Variants in STPG2 observed in about 807,000 individuals in gnomAD.
STPG2 encodes sperm-tail PG-rich repeat-containing protein 2.
A neutral mutation model predicts 54.2 loss-of-function variants in STPG2; 56 were observed. The ratio of observed to expected loss-of-function variants is 1.03; its 90% CI spans 0.83 to 1.29. STPG2 has a LOEUF of 1.29. Among genes scored for constraint, STPG2 ranks in the 50% most tolerant of loss-of-function variants. The probability of loss-of-function intolerance (pLI) is 0.00; values close to 1 mark genes in which losing one functional copy is unlikely to be tolerated. For missense variants in STPG2, 596 were observed against 544.9 expected (o/e 1.09, Z -0.93); for synonymous variants, 200 against 181.8 (o/e 1.10, Z -0.81).
chr4:97,619,762 A>G (rs998594261), intron 10 of STPG2, among the ~76,000 whole-genome samples: 4 of 151,510 alleles, frequency 2.6e-5, no homozygotes, highest in African/African-American at 9.7e-5. Context: ...CCTAAGTACT[A>G]CTAAAGTGCC....
chr4:97,781,696 A>T (rs1299625494), intron 9 of STPG2, among the ~76,000 whole-genome samples: 2 of 152,178 alleles, frequency 1.3e-5, no homozygotes, highest in Non-Finnish European at 2.9e-5. Flanking sequence ...AAATACTGGC[A>T]AACCAAATCC....
intron 5 of STPG2, among the ~76,000 whole-genome samples, chr4:98,035,527 A>G (rs962845968): frequency 6.6e-6 from 1 of 152,234 alleles, no homozygotes; most frequent in Non-Finnish European, 1.5e-5. Flanking sequence ...CCATTGTGGA[A>G]GACAGTATGG....
rs546376705 is a variant in STPG2, at chr4:97,579,175, G to C, written c.1321-20058C>G. Among the ~76,000 whole-genome samples the C allele has an allele frequency of 3.9e-5, 6 of 152,046 alleles. No homozygotes were observed. In the East Asian group the frequency reaches 1.2e-3, roughly 29 times the overall value. ...TTGATAATAATAATCATTAGTTATG[G>C]CTATTAAATGATATCTAAGTGTGTT... is the stretch of plus-strand genomic sequence containing the variant. On this transcript the variant is annotated intron_variant, in intron 10 of 10. Transcript: ENST00000295268.
chr4:97,905,625 A>T (rs974162221), intron 8 of STPG2, among the ~76,000 whole-genome samples: 1 of 152,210 alleles, frequency 6.6e-6, no homozygotes, highest in Admixed American at 6.5e-5. Flanking sequence ...TTAAATGTAA[A>T]TGGACTAAAT....
intron 8 of STPG2, among the ~76,000 whole-genome samples, chr4:97,884,722 C>CA (rs1239896782): frequency 2.0e-5 from 3 of 150,850 alleles, no homozygotes; most frequent in South Asian, 2.1e-4. Flanking sequence ...AAGTAAGGGC[C>CA]AAAAAAAGAG....
intron 8 of STPG2, among the ~76,000 whole-genome samples, chr4:97,933,793 G>T (rs916984806): frequency 3.3e-5 from 5 of 152,176 alleles, no homozygotes; most frequent in Admixed American, 2.6e-4. Context: ...AAGGCAGGCA[G>T]TGTGATGCCT....
At chr4:97,528,475 C>G (rs1433133855) in intron 4 of STPG2, among the ~76,000 whole-genome samples, 1 of 152,088 alleles carries the variant, frequency 6.6e-6, no homozygotes, top group East Asian at 1.9e-4. Context: ...ATTGTCTTGG[C>G]TATAAGGGCT....
At chr4:97,892,172 G>C (rs1730796502) in intron 8 of STPG2, among the ~76,000 whole-genome samples, 1 of 152,100 alleles carries the variant, frequency 6.6e-6, no homozygotes, top group South Asian at 2.1e-4. Flanking sequence ...ACAAAAGCAA[G>C]TTCAAGCTCT....
intron 8 of STPG2, 31 bp downstream of exon 8, chr4:97,943,866 T>C (rs952907198): frequency 2.2e-5 from 32 of 1,441,588 alleles, no homozygotes; most frequent in Non-Finnish European, 2.9e-5. Context: ...TTCTAGATAA[T>C]GAAAATATTT....
intron 10 of STPG2, among the ~76,000 whole-genome samples, chr4:97,711,021 T>C (rs1185215059): frequency 6.6e-6 from 1 of 151,512 alleles, no homozygotes; most frequent in Non-Finnish European, 1.5e-5. Flanking sequence ...TATAAATATA[T>C]AATATTAAAT....
chr4:98,110,209 G>A (rs1042277560), intron 3 of STPG2, among the ~76,000 whole-genome samples: 1 of 152,032 alleles, frequency 6.6e-6, no homozygotes, highest in Non-Finnish European at 1.5e-5. Context: ...GCGACCATCA[G>A]GTGATGGTCA....
At chr4:97,649,931 A>G (rs1722017536) in intron 10 of STPG2, among the ~76,000 whole-genome samples, 1 of 152,118 alleles carries the variant, frequency 6.6e-6, no homozygotes. Context: ...ACAACTTACC[A>G]TAATGTAGAA....
chr4:97,707,786 G>T (rs1414123437), intron 10 of STPG2, among the ~76,000 whole-genome samples: 1 of 151,946 alleles, frequency 6.6e-6, no homozygotes, highest in Non-Finnish European at 1.5e-5. Context: ...AAAATATAAG[G>T]TAGCATAGAA....
At chr4:97,488,027 C>T (rs528737205) in intron 4 of STPG2, among the ~76,000 whole-genome samples, 2 of 151,488 alleles carry the variant, frequency 1.3e-5, no homozygotes, top group East Asian at 3.9e-4. Flanking sequence ...ACAATTCCAT[C>T]CCCTCCCCTC....
chr4:98,132,223 G>A (rs531929785), intron 2 of STPG2, among the ~76,000 whole-genome samples: 8 of 152,080 alleles, frequency 5.3e-5, no homozygotes, highest in South Asian at 2.1e-4. Flanking sequence ...CACCACAGAT[G>A]TTGAAAGTGA....
chr4:97,588,680 A>T lies in STPG2; in HGVS notation c.1321-29563T>A, dbSNP rs925956338. 5.9e-5 allele frequency among the ~76,000 whole-genome samples: 9 copies of T among 152,204 alleles called. 1 individual carries two copies. The highest frequency in any genetic ancestry group is 5.9e-4 in the Admixed American group (9 of 15,256). On this transcript the variant is annotated intron_variant, in intron 10 of 10. Transcript: ENST00000295268. Reference sequence around the variant, plus strand: ...AAATAATTTGGCAATATTTTTTAAAAATTGACAGGGATATCCCTTTTGACT... The same window carrying T: ...AAATAATTTGGCAATATTTTTTAAATATTGACAGGGATATCCCTTTTGACT...
chr4:98,093,746 G>C (rs1298986171), intron 5 of STPG2, among the ~76,000 whole-genome samples: 1 of 152,164 alleles, frequency 6.6e-6, no homozygotes, highest in Non-Finnish European at 1.5e-5. Flanking sequence ...ATTTTGGAGA[G>C]GCAAAGCACA....
chr4:97,538,755 T>A (rs1731607415), intron 4 of STPG2, among the ~76,000 whole-genome samples: 1 of 152,092 alleles, frequency 6.6e-6, no homozygotes, highest in Admixed American at 6.5e-5. Context: ...TTCACCAAAG[T>A]TCAAATGAAG....
intron 8 of STPG2, among the ~76,000 whole-genome samples, chr4:97,938,771 A>G (rs1485190438): frequency 6.6e-6 from 1 of 151,600 alleles, no homozygotes; most frequent in Non-Finnish European, 1.5e-5. Flanking sequence ...ATTGCTCTCC[A>G]TTGGTCATGC....
Sources: allele counts gnomAD v4.1 joint callset (sites outside exome capture counted in the v4.1 genomes callset), GRCh38; gene constraint gnomAD v4.1.1; transcripts MANE v1.5; gene names NCBI Gene and HGNC (gene_info 2026-07-23, HGNC 2026-07-21).